The following ATP9A variants were observed in gnomAD, a reference collection of about 807,000 sequenced individuals.
ATP9A encodes the protein ATPase phospholipid transporting 9A.
Under a neutral mutation model 144.1 loss-of-function variants are expected in ATP9A, and 52 were observed. The observed-to-expected ratio is 0.36, with a 90% CI of 0.29 to 0.45. ATP9A has a LOEUF of 0.45. ATP9A is among the 20% of genes least tolerant of loss of function. ATP9A has a pLI of 1.00. For synonymous variants in ATP9A, 582 were observed against 557.4 expected (o/e 1.04, Z -0.62); for missense variants, 947 against 1,392.7 (o/e 0.68, Z 5.09).
chr20:51,717,424 T>C (rs1041773340), intron 3 of ATP9A, among the ~76,000 whole-genome samples: 3 of 152,118 alleles, frequency 2.0e-5, no homozygotes, highest in Non-Finnish European at 4.4e-5. Context: ...TCTGTAGCTG[T>C]TGGAAAGAGA....
At chr20:51,621,997 G>T (rs2122724580) in intron 19 of ATP9A, 77 bp downstream of exon 19, 1 of 1,272,232 alleles carries the variant, frequency 7.9e-7, no homozygotes, top group Non-Finnish European at 1.1e-6. Flanking sequence ...CTTCTTAAGG[G>T]GCCCACTCAA....
chr20:51,604,755 G>A, intron 27 of ATP9A, 62 bp downstream of exon 27: 1 of 1,376,140 alleles, frequency 7.3e-7, no homozygotes, highest in East Asian at 2.8e-5. Flanking sequence ...ATACGGCAGT[G>A]AGACCTCTGG....
intron 3 of ATP9A, among the ~76,000 whole-genome samples, chr20:51,714,540 G>C (rs374855012): frequency 5.6e-4 from 85 of 152,238 alleles, no homozygotes; most frequent in African/African-American, 1.9e-3. Flanking sequence ...CCTAATTTTT[G>C]TATTTTTACT....
intron 22 of ATP9A, among the ~76,000 whole-genome samples, chr20:51,615,799 C>T (rs1568786339): frequency 6.6e-6 from 1 of 152,140 alleles, no homozygotes; most frequent in African/African-American, 2.4e-5. Flanking sequence ...CCATGCCTGG[C>T]TAATTTTTGT....
chr20:51,752,337 C>T (rs188738765), intron 1 of ATP9A, among the ~76,000 whole-genome samples: 2 of 152,320 alleles, frequency 1.3e-5, no homozygotes, highest in East Asian at 1.9e-4. Context: ...AAGACACCAA[C>T]GGAGTTTAAC....
At chr20:51,637,003 A>G (rs1297416644) in intron 15 of ATP9A, among the ~76,000 whole-genome samples, 1 of 152,192 alleles carries the variant, frequency 6.6e-6, no homozygotes, top group Admixed American at 6.5e-5. Flanking sequence ...AGGCAAGAGA[A>G]TTGCTTGAAC....
intron 24 of ATP9A, among the ~76,000 whole-genome samples, 177 bp from the exon 25 acceptor site, chr20:51,608,803 G>A (rs914303115): frequency 6.6e-6 from 1 of 152,174 alleles, no homozygotes; most frequent in African/African-American, 2.4e-5. Flanking sequence ...GGACAAAAAT[G>A]TCTGCCCTGA....
At chr20:51,638,743 G>C (rs2077306098) in intron 15 of ATP9A, among the ~76,000 whole-genome samples, 1 of 152,042 alleles carries the variant, frequency 6.6e-6, no homozygotes, top group African/African-American at 2.4e-5. Flanking sequence ...CAAGCCTGTA[G>C]TCCTAGCTAC....
chr20:51,748,211 G>A lies in ATP9A; in HGVS notation c.69-18233C>T, dbSNP rs185449179. ...TGTAATCCCAACACTTTGAAAGGCTGAGGCAGGAAGATCACTTACAGCCAA... is the reference window on the plus strand; with the variant it reads ...TGTAATCCCAACACTTTGAAAGGCTAAGGCAGGAAGATCACTTACAGCCAA... On this transcript the variant is annotated intron_variant, in intron 1 of 27. Transcript: ENST00000338821. Among the ~76,000 whole-genome samples, 743 of 152,284 alleles carry A rather than the reference G, an allele frequency of 4.9e-3. 8 individuals carry two copies. The highest frequency in any genetic ancestry group is 0.017 in the African/African-American group (697 of 41,562).
intron 6 of ATP9A, among the ~76,000 whole-genome samples, chr20:51,695,370 G>A (rs932310061): frequency 4.6e-5 from 7 of 151,460 alleles, no homozygotes; most frequent in African/African-American, 1.7e-4. Context: ...GGCTGAGGCA[G>A]GAGAATGGCT....
chr20:51,679,533 C>T (rs570400566), intron 9 of ATP9A, among the ~76,000 whole-genome samples: 2 of 152,092 alleles, frequency 1.3e-5, no homozygotes, highest in African/African-American at 2.4e-5. Flanking sequence ...ACTGTTGACC[C>T]GAAAGTATCC....
Position 51,726,735 on chromosome 20 carries a change from T to C in ATP9A, c.214-803A>G, listed in dbSNP as rs368270693. Among the ~76,000 whole-genome samples the C allele has an allele frequency of 2.9e-3, 436 of 151,882 alleles. 1 individual carries two copies. The highest frequency in any genetic ancestry group is 0.01 in the African/African-American group (420 of 41,446). ...CTGAAACCACAAGCATGCACCACCATGCCCAGCTAAATTTTTTGCTATTTG... is the reference window on the plus strand; with the variant it reads ...CTGAAACCACAAGCATGCACCACCACGCCCAGCTAAATTTTTTGCTATTTG... On this transcript the variant is annotated intron_variant, in intron 2 of 27. Transcript: ENST00000338821.
intron 3 of ATP9A, among the ~76,000 whole-genome samples, chr20:51,718,814 C>CAAAAAAAAAAAAAAAAACAAAAAAA (rs2077674570): frequency 1.7e-5 from 1 of 57,708 alleles, no homozygotes; most frequent in Non-Finnish European, 3.0e-5. Flanking sequence ...GACTCCATCT[C>CAAAAAAAAAAAAAAAAACAAAAAAA]AAAAAAAAAA....
In ATP9A at chr20:51,729,873, G is replaced by T; in HGVS notation, c.174C>A (p.Ile58=). 6.2e-7 allele frequency: 1 copy of T among 1,605,984 alleles called. No homozygotes were observed. Among genetic ancestry groups the T allele is most frequent in the African/African-American group, 1.3e-5 (1 of 74,344 alleles). ...TGAAGAAATTGTACTTCTGATTGTT[G>T]ATGACATTCCGAGGATACCTCTGGT... ...KRDQRYPRNV[I]NNQKYNFFTF... The change falls in exon 2 of 28, where the codon ATC becomes ATA. Residue 58 remains isoleucine (I), a synonymous_variant. Transcript: ENST00000338821.
intron 1 of ATP9A, among the ~76,000 whole-genome samples, chr20:51,746,938 G>A (rs974421662): frequency 1.1e-4 from 15 of 140,406 alleles, no homozygotes; most frequent in Admixed American, 4.4e-4. Context: ...CCCAGGAGGC[G>A]GAGGTTGCAG....
chr20:51,743,396 ATTTT>A (rs769952209), intron 1 of ATP9A, among the ~76,000 whole-genome samples: 7 of 89,846 alleles, frequency 7.8e-5, no homozygotes, highest in African/African-American at 9.5e-5. Flanking sequence ...ACCGAAACTG[ATTTT>A]TTTTTTTTTT....
At chr20:51,609,209 G>A (rs146633551) in intron 24 of ATP9A, among the ~76,000 whole-genome samples, 65 of 152,188 alleles carry the variant, frequency 4.3e-4, no homozygotes, top group African/African-American at 1.3e-3. Flanking sequence ...ACGGAAGGTC[G>A]CACGGCGCAC....
intron 17 of ATP9A, among the ~76,000 whole-genome samples, chr20:51,625,683 G>C (rs1028744283): frequency 6.6e-6 from 1 of 152,118 alleles, no homozygotes; most frequent in Non-Finnish European, 1.5e-5. Flanking sequence ...TCTCAGGGAC[G>C]GGCACAACCA....
At chr20:51,706,565 G>A (rs2077615445) in intron 4 of ATP9A, among the ~76,000 whole-genome samples, 1 of 152,204 alleles carries the variant, frequency 6.6e-6, no homozygotes, top group South Asian at 2.1e-4. Flanking sequence ...GTTCGAGACT[G>A]GCCTGGTAAC....
Sources: gnomAD v4.1 joint callset for allele counts (sites outside exome capture counted in the v4.1 genomes callset) on GRCh38, gnomAD v4.1.1 for gene constraint, MANE v1.5 for transcripts, NCBI Gene and HGNC (gene_info 2026-07-23, HGNC 2026-07-21) for gene names.